GALNTL6: variants seen among roughly 807,000 people sequenced by gnomAD.
The protein encoded by GALNTL6 is polypeptide N-acetylgalactosaminyltransferase-like 6.
GALNTL6 carries 46 observed loss-of-function variants against 73.7 expected under a neutral mutation model. The observed-to-expected ratio is 0.62, with a 90% CI of 0.49 to 0.80. The LOEUF (loss-of-function observed/expected upper bound fraction) is 0.80, where lower values mean the gene tolerates loss of function less well. Ranked by LOEUF, GALNTL6 falls within the 30% of genes least tolerant of loss-of-function variation. The pLI is 0.00. For synonymous variants in GALNTL6, 259 were observed against 263.7 expected, an observed-to-expected ratio of 0.98 and a Z score of 0.17; for missense variants, 604 against 755.0, an observed-to-expected ratio of 0.80 and a Z score of 2.34.
At chr4:172,925,234 A>T (rs996997818) in intron 8 of GALNTL6, among the ~76,000 whole-genome samples, 5 of 151,826 alleles carry the variant, frequency 3.3e-5, no homozygotes, top group Non-Finnish European at 5.9e-5. Flanking sequence ...AATAAATCGC[A>T]GGATTCTATA....
intron 5 of GALNTL6, among the ~76,000 whole-genome samples, chr4:172,699,042 T>G (rs926082925): frequency 6.6e-6 from 1 of 152,122 alleles, no homozygotes; most frequent in Admixed American, 6.5e-5. Context: ...ATTCGGTGTT[T>G]AGAGAAAGCC....
intron 10 of GALNTL6, among the ~76,000 whole-genome samples, chr4:173,002,043 A>G (rs1752066232): frequency 6.6e-6 from 1 of 152,242 alleles, no homozygotes; most frequent in Non-Finnish European, 1.5e-5. Context: ...GAAAACAAGG[A>G]TGGGAAAGAT....
chr4:172,601,224 TAAC>T (rs1738041677), intron 5 of GALNTL6, among the ~76,000 whole-genome samples: 1 of 152,166 alleles, frequency 6.6e-6, no homozygotes, highest in Admixed American at 6.6e-5. Context: ...AAGGTCAACT[TAAC>T]AACATAGCAA....
At chr4:171,912,543 T>C (rs192613193) in intron 2 of GALNTL6, among the ~76,000 whole-genome samples, 2 of 152,336 alleles carry the variant, frequency 1.3e-5, no homozygotes, top group East Asian at 3.9e-4. Flanking sequence ...GTATCTTTTC[T>C]TTGTGTTGGG....
intron 12 of GALNTL6, among the ~76,000 whole-genome samples, chr4:173,037,311 C>T (rs955662212): frequency 6.6e-6 from 1 of 152,110 alleles, no homozygotes; most frequent in African/African-American, 2.4e-5. Context: ...AGGAGAGGCT[C>T]CAGAGATTTA....
At chr4:171,853,129 C>T (rs1392494001) in intron 2 of GALNTL6, among the ~76,000 whole-genome samples, 1 of 149,318 alleles carries the variant, frequency 6.7e-6, no homozygotes, top group East Asian at 2.0e-4. Context: ...TCCCAAAGTG[C>T]TGGGATTACA....
At chr4:172,010,740 G>C (rs1740981960) in intron 2 of GALNTL6, among the ~76,000 whole-genome samples, 1 of 152,006 alleles carries the variant, frequency 6.6e-6, no homozygotes, top group Non-Finnish European at 1.5e-5. Flanking sequence ...CACTATCAGT[G>C]TCTTCTACCA....
chr4:172,476,595 C>T (rs916760188), intron 5 of GALNTL6, among the ~76,000 whole-genome samples: 4 of 152,256 alleles, frequency 2.6e-5, no homozygotes, highest in Admixed American at 1.3e-4. Context: ...TAAGCAACCG[C>T]GTCATCGTAT....
chr4:173,012,184 A>G (rs1201690457), intron 11 of GALNTL6, among the ~76,000 whole-genome samples: 1 of 152,230 alleles, frequency 6.6e-6, no homozygotes, highest in African/African-American at 2.4e-5. Flanking sequence ...AAAGCAAAAA[A>G]GCAAGCAAGC....
At chr4:171,831,497 C>A (rs956831282) in intron 2 of GALNTL6, among the ~76,000 whole-genome samples, 14 of 151,932 alleles carry the variant, frequency 9.2e-5, no homozygotes, top group African/African-American at 3.4e-4. Context: ...CTACGGTCAA[C>A]TTTTCATTTT....
At chr4:172,523,185 C>T (rs187893048) in intron 5 of GALNTL6, among the ~76,000 whole-genome samples, 13 of 152,058 alleles carry the variant, frequency 8.5e-5, no homozygotes, top group African/African-American at 2.2e-4. Flanking sequence ...GTATAATGTT[C>T]GACAATATGA....
intron 5 of GALNTL6, among the ~76,000 whole-genome samples, chr4:172,787,095 G>T (rs192803133): frequency 3.1e-4 from 47 of 152,218 alleles, no homozygotes; most frequent in African/African-American, 1.1e-3. Flanking sequence ...GTAAATAACA[G>T]AACAAGCAGG....
At chr4:172,091,932 T>C (rs962343971) in intron 2 of GALNTL6, among the ~76,000 whole-genome samples, 2 of 152,206 alleles carry the variant, frequency 1.3e-5, no homozygotes, top group Non-Finnish European at 2.9e-5. Flanking sequence ...ATTTCATTAA[T>C]TATTGTTTTG....
chr4:172,542,240 C>T (rs1306647587), intron 5 of GALNTL6, among the ~76,000 whole-genome samples: 4 of 151,932 alleles, frequency 2.6e-5, no homozygotes, highest in African/African-American at 9.7e-5. Context: ...TCAGGTATGA[C>T]GTTTACATAG....
At position 172,952,251 on chromosome 4, in the gene GALNTL6, G is replaced by C. The variant is rs1354140114; in HGVS notation, c.1364G>C (p.Trp455Ser). The C allele has an allele frequency of 2.5e-6, 4 of 1,611,988 alleles. No homozygotes were observed. In the African/African-American group the frequency reaches 4.0e-5, roughly 16 times the overall value. ...CCAGTGGAGCCCCCGCCTGCTGCCT[G>C]GGGGGAGGTGAGGAAAGGTTGCCTG... ...YPPVEPPPAAWGEIRNVAANL... is the reference protein window; with the variant it reads ...YPPVEPPPAASGEIRNVAANL... Residue 455 changes from tryptophan (W) to serine (S), a missense_variant, in exon 10 of 13, where the codon TGG becomes TCG. By Grantham distance (177) the Trp-to-Ser change is radical (BLOSUM62 -3). Coordinates refer to ENST00000506823, the MANE Select transcript of GALNTL6 (RefSeq NM_001034845.3).
chr4:171,824,077 TTATATATATATATA>T (rs3080307), intron 2 of GALNTL6, among the ~76,000 whole-genome samples: 30 of 129,210 alleles, frequency 2.3e-4, no homozygotes, highest in African/African-American at 6.5e-4. Context: ...CAAATCCATT[TTATATATATATATA>T]TATATATATA....
At chr4:172,799,716 A>G (rs998465681) in intron 5 of GALNTL6, among the ~76,000 whole-genome samples, 2 of 152,194 alleles carry the variant, frequency 1.3e-5, no homozygotes, top group Non-Finnish European at 2.9e-5. Context: ...TGGTTCCTCA[A>G]AAAATTAACA....
chr4:172,586,820 TC>T (rs2110987748), intron 5 of GALNTL6, among the ~76,000 whole-genome samples: 1 of 152,328 alleles, frequency 6.6e-6, no homozygotes, highest in East Asian at 1.9e-4. Context: ...TAATTTGTCC[TC>T]CTATTGTGTA....
Position 172,586,853 on chromosome 4 carries a change from G to T in GALNTL6, c.554-222508G>T, listed in dbSNP as rs116245693. The stretch of plus-strand genomic sequence containing the variant: ...TGTAAGTAGGCTTCCACTTTGGGGA[G>T]TAGAGCAAGTGTTGGCCTAAAAACG... On this transcript the variant is annotated intron_variant, in intron 5 of 12. Coordinates refer to ENST00000506823, the MANE Select transcript of GALNTL6 (RefSeq NM_001034845.3). Among the ~76,000 whole-genome samples the T allele has an allele frequency of 4.6e-3, 699 of 152,318 alleles. 7 individuals are homozygous for T. Among genetic ancestry groups the T allele is most frequent in the African/African-American group, 0.014 (564 of 41,566 alleles).
Sources: gnomAD v4.1 joint callset for allele counts (sites outside exome capture counted in the v4.1 genomes callset) on GRCh38, gnomAD v4.1.1 for gene constraint, MANE v1.5 for transcripts, NCBI Gene and HGNC (gene_info 2026-07-23, HGNC 2026-07-21) for gene names.